DCUN1D1: variants seen among roughly 807,000 people sequenced by gnomAD.
DCUN1D1 encodes defective in cullin neddylation 1 domain containing 1, also known as DCN1-like protein 1.
DCUN1D1 carries 3 observed loss-of-function variants against 39.0 expected under a neutral mutation model. The observed-to-expected ratio is 0.08, with a 90% CI of 0.04 to 0.20. DCUN1D1 has a LOEUF of 0.20. DCUN1D1 is among the 10% of genes least tolerant of loss of function. DCUN1D1 has a pLI of 1.00. For missense variants in DCUN1D1, 158 were observed against 302.4 expected (o/e 0.52, Z 3.54); for synonymous variants, 82 against 96.3 (o/e 0.85, Z 0.87).
chr3:182,978,846 G>T (rs575502550), intron 1 of DCUN1D1, among the ~76,000 whole-genome samples: 1 of 152,284 alleles, frequency 6.6e-6, no homozygotes, highest in African/African-American at 2.4e-5. Flanking sequence ...AAGAATAGAA[G>T]CTTACAAGCT....
At chr3:182,976,787 A>G (rs1185194661) in intron 1 of DCUN1D1, among the ~76,000 whole-genome samples, 2 of 152,320 alleles carry the variant, frequency 1.3e-5, no homozygotes, top group South Asian at 2.1e-4. Flanking sequence ...TGTGATATAT[A>G]CATCCCTTCA....
chr3:182,980,504 G>C lies in DCUN1D1; in HGVS notation c.-15C>G, dbSNP rs758551314. 6 of 1,243,622 alleles carry C rather than the reference G, an allele frequency of 4.8e-6. No individual in the cohort carries two copies. The highest frequency in any genetic ancestry group is 1.8e-5 in the South Asian group (1 of 54,846). 77.0% of individuals were successfully genotyped at this position (1,243,622 alleles called of 1,614,324 possible). On this transcript the variant is annotated 5_prime_UTR_variant, in exon 1 of 7. Coordinates refer to ENST00000292782, the MANE Select transcript of DCUN1D1 (RefSeq NM_020640.4). ...TGCCTCACCATGTTGGTGTCCTCCA[G>C]GCCTCTCCCCTCCTCCTCCGGCTCC... is the stretch of plus-strand genomic sequence containing the variant.
chr3:182,960,908 A>T (rs992173158), intron 4 of DCUN1D1, among the ~76,000 whole-genome samples: 5 of 152,230 alleles, frequency 3.3e-5, no homozygotes, highest in Non-Finnish European at 5.9e-5. Context: ...AAATATCTTC[A>T]GGGTCATGAA....
At chr3:182,947,686 C>A in intron 4 of DCUN1D1, 54 bp from the exon 5 acceptor site, 1 of 1,044,468 alleles carries the variant, frequency 9.6e-7, no homozygotes, top group Non-Finnish European at 1.4e-6. Flanking sequence ...TTTGTCCCTG[C>A]AAAAATAACA....
chr3:182,957,983 T>G (rs1423741356), intron 4 of DCUN1D1, among the ~76,000 whole-genome samples: 1 of 146,992 alleles, frequency 6.8e-6, no homozygotes, highest in African/African-American at 2.5e-5. Context: ...AATACACCAG[T>G]TCTCATTTTA....
At position 182,963,762 on chromosome 3, in the gene DCUN1D1, AT is replaced by A. The variant is rs1478965277; in HGVS notation, c.389+118del. On this transcript the variant is annotated intron_variant, in intron 3 of 6. Coordinates refer to ENST00000292782, the MANE Select transcript of DCUN1D1 (RefSeq NM_020640.4). ...AACATGGAAACTAGCAAGTTAACCC[AT>A]TTCTATTTATACCAATGTTTGTGGG... is the stretch of plus-strand genomic sequence containing the variant. The A allele has an allele frequency of 1.8e-5, 16 of 877,048 alleles. No homozygotes were observed. In the Admixed American group the frequency reaches 4.5e-4, roughly 25 times the overall value. The allele number at this position is 877,048 out of a possible 1,614,324, so 54.3% of individuals were successfully genotyped here.
chr3:182,975,431 C>CT (rs1728180276), intron 1 of DCUN1D1, among the ~76,000 whole-genome samples: 1 of 151,810 alleles, frequency 6.6e-6, no homozygotes, highest in Admixed American at 6.6e-5. Context: ...CCGCCTCAGC[C>CT]CCCCGAAGTA....
chr3:182,944,573 TCCC>T lies in DCUN1D1; in HGVS notation c.*518_*520del, dbSNP rs1238789107. The T allele has an allele frequency of 6.6e-6, 1 of 152,224 alleles. No individual in the cohort carries two copies. The highest frequency in any genetic ancestry group is 1.5e-5 in the Non-Finnish European group (1 of 67,922). The allele number at this position is 152,224 out of a possible 1,614,324, so 9.4% of individuals were successfully genotyped here. ...TGATTTGCCAGGAAAAAAAAAAAAT[TCCC>T]CCCAAACCAAAACACCATTCCAGAT... On this transcript the variant is annotated 3_prime_UTR_variant, in exon 7 of 7. Coordinates refer to ENST00000292782, the MANE Select transcript of DCUN1D1 (RefSeq NM_020640.4).
chr3:182,956,060 C>G (rs1292859463), intron 4 of DCUN1D1: 1 of 155,632 alleles, frequency 6.4e-6, no homozygotes. Flanking sequence ...CCCCGGGTAG[C>G]TGGGATTACA....
At chr3:182,948,976 A>G (rs1726561732) in intron 4 of DCUN1D1, among the ~76,000 whole-genome samples, 2 of 151,264 alleles carry the variant, frequency 1.3e-5, no homozygotes, top group African/African-American at 4.9e-5. Flanking sequence ...TGAAACCGGA[A>G]GGCGGAGGTT....
At chr3:182,951,320 T>C (rs1264402135) in intron 4 of DCUN1D1, among the ~76,000 whole-genome samples, 1 of 152,076 alleles carries the variant, frequency 6.6e-6, no homozygotes, top group East Asian at 1.9e-4. Context: ...GATGATGAAA[T>C]ATTCAAATAA....
rs190153597 is a variant in DCUN1D1, at chr3:182,941,119, G to C, written c.*3975C>G. On this transcript the variant is annotated 3_prime_UTR_variant, in exon 7 of 7. Coordinates refer to ENST00000292782, the MANE Select transcript of DCUN1D1 (RefSeq NM_020640.4). ...ACTCAACAGGTAGGAAAGAAAATAA[G>C]ATAGCAAGAATGCTCTGATAAAATC... is the stretch of plus-strand genomic sequence containing the variant. 349 of 151,126 alleles carry C rather than the reference G, an allele frequency of 2.3e-3. 1 individual carries two copies. Among genetic ancestry groups the C allele is most frequent in the African/African-American group, 8.2e-3 (340 of 41,532 alleles). The allele number at this position is 151,126 out of a possible 1,614,324, so 9.4% of individuals were successfully genotyped here. A position where few individuals can be genotyped will look rare whatever the true frequency, so the allele number is the denominator to read the frequency against.
intron 4 of DCUN1D1, among the ~76,000 whole-genome samples, chr3:182,957,116 G>A (rs1032160639): frequency 2.0e-5 from 3 of 152,198 alleles, no homozygotes; most frequent in Admixed American, 1.3e-4. Flanking sequence ...AAGTAATAAA[G>A]ACAAAGATGT....
In DCUN1D1 at chr3:182,939,790, CAATT is replaced by C. The variant is rs1305104249; in HGVS notation, c.*5300_*5303del. The C allele has an allele frequency of 1.3e-5, 2 of 152,228 alleles. No homozygotes were observed. The highest frequency in any genetic ancestry group is 3.9e-4 in the East Asian group (2 of 5,188). The allele number at this position is 152,228 out of a possible 1,614,324, so 9.4% of individuals were successfully genotyped here. A position where few individuals can be genotyped will look rare whatever the true frequency, so the allele number is the denominator to read the frequency against. On this transcript the variant is annotated 3_prime_UTR_variant, in exon 7 of 7. Transcript: ENST00000292782. ...GCACAACTCTTAAGTTTACTAAAAA[CAATT>C]AATTGTACATGTACAATGGGTGAAT...
At chr3:182,945,772 G>A (rs910793080) in intron 6 of DCUN1D1, among the ~76,000 whole-genome samples, 5 of 152,098 alleles carry the variant, frequency 3.3e-5, no homozygotes, top group East Asian at 1.9e-4. Flanking sequence ...ATGCTAATAC[G>A]TTACTAAAAG....
In DCUN1D1 at chr3:182,961,431, G is replaced by A. The variant is rs1388193250; in HGVS notation, c.390-75C>T. 7.8e-6 allele frequency: 10 copies of A among 1,278,476 alleles called. No homozygotes were observed. The South Asian group carries it at 1.4e-4, about 17-fold the overall frequency. 79.2% of individuals were successfully genotyped at this position (1,278,476 alleles called of 1,614,324 possible). A position where few individuals can be genotyped will look rare whatever the true frequency, so the allele number is the denominator to read the frequency against. On this transcript the variant is annotated intron_variant, in intron 3 of 6. Transcript: ENST00000292782. ...TAATAACTTACTTATTCCCATGAGG[G>A]CTTACATTTATTTCCTAGAACTACT...
chr3:182,980,164 C>T, intron 1 of DCUN1D1: 1 of 648,168 alleles, frequency 1.5e-6, no homozygotes, highest in South Asian at 6.7e-5. Context: ...CCTCCCCCCG[C>T]CCCAACGCCT....
intron 4 of DCUN1D1, among the ~76,000 whole-genome samples, chr3:182,959,311 C>T (rs1307130720): frequency 6.6e-6 from 1 of 152,130 alleles, no homozygotes; most frequent in East Asian, 1.9e-4. Context: ...TGTTTAGTAA[C>T]TCGTGGGGCC....
intron 4 of DCUN1D1, among the ~76,000 whole-genome samples, chr3:182,953,804 A>G (rs1426153366): frequency 6.6e-6 from 1 of 152,254 alleles, no homozygotes. Flanking sequence ...AAGCTATTGC[A>G]TAAAATTGAG....
Sources: gnomAD v4.1 joint callset for allele counts (sites outside exome capture counted in the v4.1 genomes callset) on GRCh38, gnomAD v4.1.1 for gene constraint, MANE v1.5 for transcripts, NCBI Gene and HGNC (gene_info 2026-07-23, HGNC 2026-07-21) for gene names.